Variants in UBAP2L observed in about 807,000 individuals in gnomAD.
UBAP2L encodes the protein ubiquitin-associated protein 2-like.
UBAP2L carries 12 observed loss-of-function variants against 130.6 expected under a neutral mutation model. That is an observed-to-expected ratio of 0.09 (90% CI 0.06 to 0.15). The LOEUF (loss-of-function observed/expected upper bound fraction) is 0.15. Ranked by LOEUF, UBAP2L falls within the 10% of genes least tolerant of loss-of-function variation. The probability of loss-of-function intolerance (pLI) is 1.00; values close to 1 mark genes in which losing one functional copy is unlikely to be tolerated. For synonymous variants in UBAP2L, 503 were observed against 524.7 expected (o/e 0.96, Z 0.57); for missense variants, 965 against 1,332.5 (o/e 0.72, Z 4.29).
intron 9 of UBAP2L, among the ~76,000 whole-genome samples, chr1:154,242,749 A>G (rs1673987514): frequency 6.6e-6 from 1 of 152,068 alleles, no homozygotes; most frequent in South Asian, 2.1e-4. Context: ...ATTCAGCAGC[A>G]CTTGGGCCCT....
chr1:154,246,734 G>A (rs1043927925), intron 11 of UBAP2L, among the ~76,000 whole-genome samples: 2 of 152,176 alleles, frequency 1.3e-5, no homozygotes, highest in East Asian at 3.8e-4. Context: ...GATTGTAGCA[G>A]TTCCCCATTT....
rs771077289 is a variant in UBAP2L, at chr1:154,227,408, T to G, written c.168+49T>G. On this transcript the variant is annotated intron_variant, in intron 3 of 26. Coordinates refer to ENST00000428931, the MANE Select transcript of UBAP2L (RefSeq NM_014847.4). ...TACACTATGAGAAAAGATACCAGTA[T>G]TAAGGCATAATCAAATACTGTAGAT... 22 of 1,516,204 alleles carry G rather than the reference T, an allele frequency of 1.5e-5. No individual in the cohort carries two copies. The Admixed American group carries it at 2.3e-4, about 16-fold the overall frequency. The allele number at this position is 1,516,204 out of a possible 1,614,324, so 93.9% of individuals were successfully genotyped here.
chr1:154,263,380 T>C, intron 24 of UBAP2L: 1 of 1,337,016 alleles, frequency 7.5e-7, no homozygotes, highest in African/African-American at 1.5e-5. Context: ...GTTCAAGCGG[T>C]GCAGCACCTT....
chr1:154,264,251 T>C (rs1383600252), intron 24 of UBAP2L, among the ~76,000 whole-genome samples: 2 of 152,188 alleles, frequency 1.3e-5, no homozygotes, highest in Non-Finnish European at 2.9e-5. Flanking sequence ...CCCAGCCCTT[T>C]GGAGTAATTT....
chr1:154,253,335 G>T (rs925586036), intron 14 of UBAP2L, among the ~76,000 whole-genome samples: 2 of 151,352 alleles, frequency 1.3e-5, no homozygotes, highest in Non-Finnish European at 1.5e-5. Context: ...ATGTAGGGGG[G>T]AGCCAAGGGA....
Position 154,251,607 on chromosome 1 carries a change from G to A in UBAP2L, c.1618G>A (p.Ala540Thr), listed in dbSNP as rs375698253. Residue 540 changes from alanine to threonine, a missense_variant, in exon 14 of 27, where the codon GCC (alanine) becomes ACC (threonine). Around this residue, in one of 9 missense-constraint regions of UBAP2L, gnomAD observed 393 missense variants for 408.1 expected, o/e 0.96. Transcript: ENST00000428931. Reference sequence around the variant, plus strand: ...TTATGAGTCCACCCCCACCACGAGCGCCTCTTCAAGCCAGGCTCCAAGTAG... The same window carrying A: ...TTATGAGTCCACCCCCACCACGAGCACCTCTTCAAGCCAGGCTCCAAGTAG... Reference protein sequence around the residue: ...SDYESTPTTSASSSQAPSSLY... With the variant: ...SDYESTPTTSTSSSQAPSSLY... 1.5e-5 allele frequency: 24 copies of A among 1,614,072 alleles called. No homozygotes were observed. Among genetic ancestry groups the A allele is most frequent in the Admixed American group, 3.3e-5 (2 of 59,990 alleles).
At chr1:154,262,911 C>G (rs1682037109) in intron 24 of UBAP2L, among the ~76,000 whole-genome samples, 1 of 152,026 alleles carries the variant, frequency 6.6e-6, no homozygotes, top group Non-Finnish European at 1.5e-5. Flanking sequence ...GGACCAGGTT[C>G]ACGAATTTTA....
intron 18 of UBAP2L, 120 bp from the exon 19 acceptor site, chr1:154,256,943 C>T (rs1679868522): frequency 1.7e-6 from 2 of 1,184,180 alleles, no homozygotes; most frequent in Middle Eastern, 2.0e-4. Flanking sequence ...GCCTACTTGG[C>T]CTCTTTAATT....
In UBAP2L at chr1:154,255,148, C is replaced by G. The variant is rs1246212379; in HGVS notation, c.1910-4C>G. The G allele has an allele frequency of 5.0e-6, 8 of 1,613,632 alleles. No individual in the cohort carries two copies. Among genetic ancestry groups the G allele is most frequent in the African/African-American group, 2.7e-5 (2 of 75,016 alleles). On this transcript the variant is annotated splice_region_variant and splice_polypyrimidine_tract_variant and intron_variant, in intron 16 of 26. Coordinates refer to ENST00000428931, the MANE Select transcript of UBAP2L (RefSeq NM_014847.4). The stretch of plus-strand genomic sequence containing the variant: ...AGAGGAATTCCTTTCTTCTAAATTT[C>G]TAGGTGCTACAGGCTCTGCAGTGAA...
In UBAP2L at chr1:154,251,241, G is replaced by C; in HGVS notation, c.1414G>C (p.Asp472His). Residue 472 changes from aspartate (D) to histidine (H), a missense_variant, in exon 13 of 27, where the codon GAC becomes CAC. By Grantham distance (81) the Asp-to-His change is moderately conservative. This residue lies in a region of UBAP2L where 74 missense variants were observed against 97.1 expected (regional missense o/e 0.76). Coordinates refer to ENST00000428931, the MANE Select transcript of UBAP2L (RefSeq NM_014847.4). ...TCCACAGATGTCGCCTGGATCTTCA[G>C]ACAACCAGTCCTCTAGCCCTCAGCC... is the stretch of plus-strand genomic sequence containing the variant. ...SAPQMSPGSS[D>H]NQSSSPQPAQ... 1.2e-6 allele frequency: 2 copies of C among 1,614,128 alleles called. No homozygotes were observed. The highest frequency in any genetic ancestry group is 2.2e-5 in the East Asian group (1 of 44,880).
rs750405570 is a variant in UBAP2L, at chr1:154,258,983, G to A, written c.2449G>A (p.Val817Ile). Residue 817 changes from valine (V) to isoleucine (I), a missense_variant, in exon 21 of 27, where the codon GTA (valine) becomes ATA (isoleucine). By Grantham distance (29) the Val-to-Ile change is conservative. This residue lies in a region of UBAP2L where 393 missense variants were observed against 408.1 expected (regional missense o/e 0.96). Transcript: ENST00000428931. ...ATATGTCTGTATCTTTCAGCCACAA[G>A]TATATGGTTATGATGACTTGCAGAT... Reference protein sequence around the residue: ...PGLLHAYPPQVYGYDDLQMLQ... With the variant: ...PGLLHAYPPQIYGYDDLQMLQ... 1 of 1,613,950 alleles carries A rather than the reference G, an allele frequency of 6.2e-7. No individual in the cohort carries two copies. The highest frequency in any genetic ancestry group is 1.1e-5 in the South Asian group (1 of 91,066).
chr1:154,236,445 C>T (rs910652498), intron 6 of UBAP2L, 121 bp from the exon 7 acceptor site: 55 of 1,006,300 alleles, frequency 5.5e-5, no homozygotes, highest in Non-Finnish European at 7.4e-5. Flanking sequence ...CCAATCCGCC[C>T]GCCCTCAGCC....
At chr1:154,236,433 A>C in intron 6 of UBAP2L, 133 bp from the exon 7 acceptor site, 1 of 900,978 alleles carries the variant, frequency 1.1e-6, no homozygotes, top group Non-Finnish European at 1.8e-6. Context: ...TTCTGGATGC[A>C]ACCAATCCGC....
At chr1:154,233,020 T>C (rs1670366930) in intron 4 of UBAP2L, among the ~76,000 whole-genome samples, 1 of 150,516 alleles carries the variant, frequency 6.6e-6, no homozygotes, top group Non-Finnish European at 1.5e-5. Flanking sequence ...CTTTTTTTCT[T>C]TTTTTTTTTT....
At chr1:154,231,183 G>A (rs917363944) in intron 4 of UBAP2L, among the ~76,000 whole-genome samples, 6 of 152,114 alleles carry the variant, frequency 3.9e-5, no homozygotes, top group Non-Finnish European at 7.3e-5. Flanking sequence ...CCAGGCTGGA[G>A]TGCAGTAGCA....
chr1:154,236,944 A>C (rs1671885506), intron 7 of UBAP2L, 80 bp from the exon 8 acceptor site: 17 of 1,045,636 alleles, frequency 1.6e-5, no homozygotes, highest in Non-Finnish European at 2.3e-5. Context: ...GGAAGGATGC[A>C]GTCAAGATTT....
chr1:154,234,628 C>T lies in UBAP2L; in HGVS notation c.317C>T (p.Ser106Leu), dbSNP rs1242323969. 1.2e-6 allele frequency: 2 copies of T among 1,613,958 alleles called. No individual in the cohort carries two copies. The highest frequency in any genetic ancestry group is 2.7e-5 in the African/African-American group (2 of 74,882). ...ATGGTCGGGAAGAAGAAGGGAGTCTCAGGCCAGAAGGATGGTGGCCAGACG... is the reference window on the plus strand; with the variant it reads ...ATGGTCGGGAAGAAGAAGGGAGTCTTAGGCCAGAAGGATGGTGGCCAGACG... The part of the protein sequence containing the change: ...WEMVGKKKGV[S>L]GQKDGGQTES... Residue 106 changes from serine to leucine, a missense_variant, in exon 5 of 27, where the codon TCA becomes TTA. Ser to Leu is a moderately radical substitution (Grantham distance 145). Coordinates refer to ENST00000428931, the MANE Select transcript of UBAP2L (RefSeq NM_014847.4).
Position 154,225,129 on chromosome 1 carries a change from G to A in UBAP2L, c.6G>A (p.Met2Ile), listed in dbSNP as rs1667507830. 1 of 1,613,842 alleles carries A rather than the reference G, an allele frequency of 6.2e-7. No homozygotes were observed. The highest frequency in any genetic ancestry group is 8.5e-7 in the Non-Finnish European group (1 of 1,179,954). Residue 2 changes from methionine (M) to isoleucine (I), a missense_variant, in exon 2 of 27, where the codon ATG becomes ATA. By Grantham distance (10) the Met-to-Ile change is conservative (BLOSUM62 1). Around this residue, in one of 9 missense-constraint regions of UBAP2L, gnomAD observed 24 missense variants for 27.7 expected, o/e 0.87. Transcript: ENST00000428931. M[M>I]TSVGTNRARG... ...GTTATTTGTATATACTGTAAATGATGACATCGGTGGGCACTAACCGAGCCC... is the reference window on the plus strand; with the variant it reads ...GTTATTTGTATATACTGTAAATGATAACATCGGTGGGCACTAACCGAGCCC...
chr1:154,234,901 G>C, intron 5 of UBAP2L, 142 bp downstream of exon 5: 6 of 1,147,340 alleles, frequency 5.2e-6, no homozygotes, highest in Non-Finnish European at 7.4e-6. Context: ...CTGAGACCTT[G>C]ACATCTCTTG....
Sources: gnomAD v4.1 joint callset for allele counts (sites outside exome capture counted in the v4.1 genomes callset) on GRCh38, gnomAD v4.1.1 for gene constraint, gnomAD v4.1.1 regional missense constraint, MANE v1.5 for transcripts, NCBI Gene and HGNC (gene_info 2026-07-23, HGNC 2026-07-21) for gene names.